The following CEP170B variants were observed in gnomAD, a reference collection of about 807,000 sequenced individuals.
CEP170B encodes centrosomal protein of 170 kDa protein B.
CEP170B carries 55 observed loss-of-function variants against 120.6 expected under a neutral mutation model. The ratio of observed to expected loss-of-function variants is 0.46; its 90% CI spans 0.37 to 0.57. The LOEUF is 0.57. Among genes scored for constraint, CEP170B ranks in the 20% least tolerant of loss-of-function variants. The pLI is 0.00. For missense variants in CEP170B, 2,212 were observed against 2,253.3 expected (o/e 0.98, Z 0.37); for synonymous variants, 1,033 against 954.5 (o/e 1.08, Z -1.52).
rs563104233 is a variant in CEP170B, at chr14:104,889,155, G to T, written c.3740-465G>T. Reference sequence around the variant, plus strand: ...CTGTCTGTGTGGTCCAGCCTGGGCCGCAGCAGGTCCTGGTGGGGAGGTTTA... The same window carrying T: ...CTGTCTGTGTGGTCCAGCCTGGGCCTCAGCAGGTCCTGGTGGGGAGGTTTA... On this transcript the variant is annotated intron_variant, in intron 12 of 18. Coordinates refer to ENST00000414716, the MANE Select transcript of CEP170B (RefSeq NM_001112726.3). Among the ~76,000 whole-genome samples, 4 of 152,180 alleles carry T rather than the reference G, an allele frequency of 2.6e-5. No individual in the cohort carries two copies. The South Asian group carries it at 8.3e-4, about 32-fold the overall frequency.
At chr14:104,892,322 T>C (rs2582534) in intron 13 of CEP170B, among the ~76,000 whole-genome samples, 8,143 of 152,164 alleles carry the variant, frequency 0.054, 746 homozygotes, top group African/African-American at 0.18. Flanking sequence ...CTCGGCAGGG[T>C]GGAGGCCTGT....
At chr14:104,892,337 C>T (rs1027429877) in intron 13 of CEP170B, among the ~76,000 whole-genome samples, 1 of 152,140 alleles carries the variant, frequency 6.6e-6, no homozygotes, top group Non-Finnish European at 1.5e-5. Context: ...GCCTGTGCCC[C>T]CTGGGCACAT....
rs189275083 is a variant in CEP170B at position 104,886,633 on chromosome 14, C to T, written c.2394C>T (p.Phe798=). 2.0e-6 allele frequency: 3 copies of T among 1,523,922 alleles called. No homozygotes were observed. The African/African-American group carries it at 4.2e-5, about 21-fold the overall frequency. The allele number at this position is 1,523,922 out of a possible 1,614,324, so 94.4% of individuals were successfully genotyped here. The change falls in exon 12 of 19, where the codon TTC becomes TTT. Residue 798 remains phenylalanine (F), a synonymous_variant. Coordinates refer to ENST00000414716, the MANE Select transcript of CEP170B (RefSeq NM_001112726.3). ...GGGAGCCAACTCCCGCCTCTTTCTT[C>T]ATTGGGGACCAGAATGGGGACGCTG... The part of the protein sequence containing the change: ...APGEPTPASF[F]IGDQNGDAVL...
Position 104,894,342 on chromosome 14 carries a change from C to T in CEP170B, c.4329C>T (p.Ala1443=), listed in dbSNP as rs369931405. 488 of 1,613,522 alleles carry T rather than the reference C, an allele frequency of 3.0e-4. No homozygotes were observed. The highest frequency in any genetic ancestry group is 3.5e-4 in the Non-Finnish European group (410 of 1,179,878). ...AGGACCTGGAAGCCAGGATCAACGCCGAGAACGAGGTGCCCATCCTGAAGA... is the reference window on the plus strand; with the variant it reads ...AGGACCTGGAAGCCAGGATCAACGCTGAGAACGAGGTGCCCATCCTGAAGA... ...AWEDLEARIN[A]ENEVPILKTS... is the part of the protein sequence containing the mutation. The change falls in exon 17 of 19, where the codon GCC becomes GCT. Residue 1443 remains alanine (A), a synonymous_variant. Coordinates refer to ENST00000414716, the MANE Select transcript of CEP170B (RefSeq NM_001112726.3).
In CEP170B at chr14:104,893,125, C is replaced by G; in HGVS notation, c.4028C>G (p.Ala1343Gly). The change falls in exon 14 of 19, where the codon GCC becomes GGC. Residue 1343 changes from alanine (A) to glycine (G), a missense_variant. By Grantham distance (60) the Ala-to-Gly change is moderately conservative. Coordinates refer to ENST00000414716, the MANE Select transcript of CEP170B (RefSeq NM_001112726.3). Reference protein sequence around the residue: ...MPSTPASTISAREELVQRIPE... With the variant: ...MPSTPASTISGREELVQRIPE... ...AGCACCCCCGCCTCGACCATCTCTG[C>G]CCGGGAGGAGGTGAGCCCCAGGCTT... 6.2e-7 allele frequency: 1 copy of G among 1,608,804 alleles called. No homozygotes were observed.
intron 13 of CEP170B, among the ~76,000 whole-genome samples, chr14:104,890,601 G>GAT (rs1896789336): frequency 7.2e-6 from 1 of 138,164 alleles, no homozygotes; most frequent in Non-Finnish European, 1.6e-5. Context: ...TGAGTGAGTG[G>GAT]GTGGATGGAT....
chr14:104,890,773 ATG>A (rs1896806040), intron 13 of CEP170B, among the ~76,000 whole-genome samples: 1 of 99,758 alleles, frequency 1.0e-5, no homozygotes, highest in Admixed American at 1.0e-4. Flanking sequence ...GGATGGATGG[ATG>A]AGTGGGTAGA....
intron 2 of CEP170B, among the ~76,000 whole-genome samples, chr14:104,871,882 G>A (rs1377538925): frequency 3.3e-5 from 5 of 152,244 alleles, no homozygotes; most frequent in Non-Finnish European, 7.3e-5. Context: ...GCAGGTAGAC[G>A]GGTAGGGGAG....
chr14:104,888,829 G>C (rs929193478), intron 12 of CEP170B, among the ~76,000 whole-genome samples: 3 of 152,262 alleles, frequency 2.0e-5, no homozygotes, highest in Admixed American at 6.5e-5. Flanking sequence ...TATGGCTGGA[G>C]GCTGAGGCAG....
intron 14 of CEP170B, 133 bp from the exon 15 acceptor site, chr14:104,893,390 G>A: frequency 8.4e-7 from 1 of 1,192,998 alleles, no homozygotes; most frequent in Non-Finnish European, 1.2e-6. Context: ...CGGGGCAGGG[G>A]CACAGGAGGG....
At position 104,896,168 on chromosome 14, in the gene CEP170B, G is replaced by A. The variant is rs1031197613; in HGVS notation, c.*1210G>A. 7 of 186,896 alleles carry A rather than the reference G, an allele frequency of 3.7e-5. No homozygotes were observed. The highest frequency in any genetic ancestry group is 5.7e-5 in the Non-Finnish European group (5 of 87,640). The allele number at this position is 186,896 out of a possible 1,614,324, so 11.6% of individuals were successfully genotyped here. A position where few individuals can be genotyped will look rare whatever the true frequency, so the allele number is the denominator to read the frequency against. ...CCTGCCTGGCAATGGTATGAGAGTC[G>A]GACCTGGACAGGGCCAGCTGCTGGG... On this transcript the variant is annotated 3_prime_UTR_variant, in exon 19 of 19. Coordinates refer to ENST00000414716, the MANE Select transcript of CEP170B (RefSeq NM_001112726.3).
chr14:104,883,728 G>A, intron 8 of CEP170B, 103 bp from the exon 9 acceptor site: 1 of 1,235,110 alleles, frequency 8.1e-7, no homozygotes, highest in Non-Finnish European at 1.1e-6. Flanking sequence ...GGGCTGGGGT[G>A]CTTTGTCAAC....
rs1754273234 is a variant in CEP170B, at chr14:104,893,124, G to T, written c.4027G>T (p.Ala1343Ser). The change falls in exon 14 of 19, where the codon GCC (alanine) becomes TCC (serine). Residue 1343 changes from alanine (A) to serine (S), a missense_variant. Ala to Ser is a moderately conservative substitution (Grantham distance 99, BLOSUM62 1). Around this residue, in one of 2 missense-constraint regions of CEP170B, gnomAD observed 2,166 missense variants for 2,166.7 expected, o/e 1.00. Coordinates refer to ENST00000414716, the MANE Select transcript of CEP170B (RefSeq NM_001112726.3). ...CAGCACCCCCGCCTCGACCATCTCTGCCCGGGAGGAGGTGAGCCCCAGGCT... is the reference window on the plus strand; with the variant it reads ...CAGCACCCCCGCCTCGACCATCTCTTCCCGGGAGGAGGTGAGCCCCAGGCT... The part of the protein sequence containing the change: ...MPSTPASTIS[A>S]REELVQRIPE... The T allele has an allele frequency of 6.2e-7, 1 of 1,608,930 alleles. No individual in the cohort carries two copies. Among genetic ancestry groups the T allele is most frequent in the Non-Finnish European group, 8.5e-7 (1 of 1,178,974 alleles).
Position 104,887,575 on chromosome 14 carries a change from C to T in CEP170B, c.3336C>T (p.Ser1112=). Residue 1112 remains serine, a synonymous_variant, in exon 12 of 19, where the codon TCC becomes TCT. Transcript: ENST00000414716. ...AGGGGCCGCAGGCCTTGACCCGCTC[C>T]AACAGCCTGTCCACCCCTCGCCCCA... ...SQKGPQALTR[S]NSLSTPRPTR... is the part of the protein sequence containing the mutation. The T allele has an allele frequency of 1.3e-6, 2 of 1,595,006 alleles. No homozygotes were observed. Among genetic ancestry groups the T allele is most frequent in the South Asian group, 1.1e-5 (1 of 88,920 alleles).
At chr14:104,876,448 C>A in intron 3 of CEP170B, 103 bp downstream of exon 3, 1 of 1,064,962 alleles carries the variant, frequency 9.4e-7, no homozygotes, top group Non-Finnish European at 1.4e-6. Flanking sequence ...GCCCCTCCCT[C>A]TCAGCCCTGG....
At chr14:104,890,549 A>G (rs1481607239) in intron 13 of CEP170B, among the ~76,000 whole-genome samples, 139 of 14,576 alleles carry the variant, frequency 9.5e-3, no homozygotes, top group Non-Finnish European at 0.01. Flanking sequence ...TGGATGGGTG[A>G]GTAGGTGGGT....
rs997120555 is a variant in CEP170B, at chr14:104,884,496, G to A, written c.1717G>A (p.Glu573Lys). 15 of 1,565,094 alleles carry A rather than the reference G, an allele frequency of 9.6e-6. No individual in the cohort carries two copies. The highest frequency in any genetic ancestry group is 1.3e-5 in the Non-Finnish European group (15 of 1,154,802). The change falls in exon 9 of 19, where the codon GAG becomes AAG. Residue 573 changes from glutamate to lysine, a missense_variant. By Grantham distance (56) the Glu-to-Lys change is moderately conservative. This residue lies in a region of CEP170B where 2,166 missense variants were observed against 2,166.7 expected (regional missense o/e 1.00). Transcript: ENST00000414716. The part of the protein sequence containing the change: ...SLSDAGTYTI[E>K]TEAQDTEVEE... The stretch of plus-strand genomic sequence containing the variant: ...CAGTGACGCAGGGACATACACCATC[G>A]AGACCGAGGCGCAGGACACGGAGGT...
At position 104,885,530 on chromosome 14, in the gene CEP170B, G is replaced by A. The variant is rs773915120; in HGVS notation, c.1932G>A (p.Gln644=). The change falls in exon 10 of 19, where the codon CAG becomes CAA. Residue 644 remains glutamine (Q), a synonymous_variant. Coordinates refer to ENST00000414716, the MANE Select transcript of CEP170B (RefSeq NM_001112726.3). ...FASRPLGAAP[Q]AEHQGLPVPG... The stretch of plus-strand genomic sequence containing the variant: ...CCCGGCCACTGGGTGCGGCCCCCCA[G>A]GCGGAGCACCAGGTACAGGCACAGA... The A allele has an allele frequency of 3.0e-5, 47 of 1,563,770 alleles. No homozygotes were observed. In the Admixed American group the frequency reaches 7.0e-4, roughly 23 times the overall value.
rs1896597133 is a variant in CEP170B, at chr14:104,887,641, T to C, written c.3402T>C (p.Ala1134=). The part of the protein sequence containing the change: ...SRLRRARLGD[A]SDTEAADGER... ...TGAGGCGGGCCCGGCTGGGGGACGC[T>C]TCAGACACTGAGGCTGCGGATGGTG... The change falls in exon 12 of 19, where the codon GCT becomes GCC. Residue 1134 remains alanine, a synonymous_variant. Coordinates refer to ENST00000414716, the MANE Select transcript of CEP170B (RefSeq NM_001112726.3). 3 of 1,560,560 alleles carry C rather than the reference T, an allele frequency of 1.9e-6. No individual in the cohort carries two copies. Among genetic ancestry groups the C allele is most frequent in the Non-Finnish European group, 1.7e-6 (2 of 1,155,482 alleles).
Sources: gnomAD v4.1 joint callset for allele counts (sites outside exome capture counted in the v4.1 genomes callset) on GRCh38, gnomAD v4.1.1 for gene constraint, gnomAD v4.1.1 regional missense constraint, MANE v1.5 for transcripts, NCBI Gene and HGNC (gene_info 2026-07-23, HGNC 2026-07-21) for gene names.